Variants in SLC25A32 observed in about 807,000 individuals in gnomAD.
The protein encoded by SLC25A32 is solute carrier family 25 member 32.
Under a neutral mutation model 39.0 loss-of-function variants are expected in SLC25A32, and 32 were observed. That is an observed-to-expected ratio of 0.82 (90% CI 0.62 to 1.10). The LOEUF (loss-of-function observed/expected upper bound fraction) is 1.10. Ranked by LOEUF, SLC25A32 falls within the 50% of genes least tolerant of loss-of-function variation. SLC25A32 has a pLI of 0.00. For synonymous variants in SLC25A32, 166 were observed against 152.4 expected (o/e 1.09, Z -0.66); for missense variants, 367 against 395.3 (o/e 0.93, Z 0.61).
In SLC25A32 at chr8:103,415,042, C is replaced by A. The variant is rs746663173; in HGVS notation, c.-105G>T. On this transcript the variant is annotated 5_prime_UTR_variant, in exon 1 of 7. Coordinates refer to ENST00000297578, the MANE Select transcript of SLC25A32 (RefSeq NM_030780.5). ...GTCGCCCCTTGTGAGCGCAACCCCACCTCCGGGACCAACGAGAGGACTCTT... is the reference window on the plus strand; with the variant it reads ...GTCGCCCCTTGTGAGCGCAACCCCAACTCCGGGACCAACGAGAGGACTCTT... 1.1e-5 allele frequency: 18 copies of A among 1,595,188 alleles called. No individual in the cohort carries two copies. The South Asian group carries it at 1.9e-4, about 17-fold the overall frequency.
intron 1 of SLC25A32, among the ~76,000 whole-genome samples, chr8:103,410,736 C>T (rs1816446989): frequency 6.6e-6 from 1 of 152,002 alleles, no homozygotes; most frequent in South Asian, 2.1e-4. Flanking sequence ...CCTATCACAG[C>T]ACTAAAAAAA....
intron 1 of SLC25A32, among the ~76,000 whole-genome samples, chr8:103,412,139 T>C (rs929475566): frequency 6.6e-6 from 1 of 152,252 alleles, no homozygotes; most frequent in African/African-American, 2.4e-5. Flanking sequence ...CTTAGAATTA[T>C]GCCTGACATA....
chr8:103,403,208 G>A lies in SLC25A32; in HGVS notation c.508C>T (p.Leu170Phe). 1 of 1,611,160 alleles carries A rather than the reference G, an allele frequency of 6.2e-7. No homozygotes were observed. The highest frequency in any genetic ancestry group is 8.5e-7 in the Non-Finnish European group (1 of 1,177,868). Residue 170 changes from leucine (L) to phenylalanine (F), a missense_variant, in exon 4 of 7, where the codon CTT (leucine) becomes TTT (phenylalanine). Coordinates refer to ENST00000297578, the MANE Select transcript of SLC25A32 (RefSeq NM_030780.5). ...CCTTCATACTTATATATTTTCACAA[G>A]TGTATCAAACATTCCTTTATATTGT... ...HRQYKGMFDT[L>F]VKIYKYEGVR...
At position 103,414,859 on chromosome 8, in the gene SLC25A32, T is replaced by C; in HGVS notation, c.79A>G (p.Ile27Val). The C allele has an allele frequency of 6.2e-7, 1 of 1,613,506 alleles. No individual in the cohort carries two copies. Among genetic ancestry groups the C allele is most frequent in the Non-Finnish European group, 8.5e-7 (1 of 1,179,940 alleles). Reference sequence around the variant, plus strand: ...AAGACGCCGCCGCTCACGCCCGCTATCAGGTTCTCATACCGGACGTGGCGG... The same window carrying C: ...AAGACGCCGCCGCTCACGCCCGCTACCAGGTTCTCATACCGGACGTGGCGG... ...VFRHVRYENL[I>V]AGVSGGVLSN... The change falls in exon 1 of 7, where the codon ATA (isoleucine) becomes GTA (valine). Residue 27 changes from isoleucine (I) to valine (V), a missense_variant. Physicochemically the swap from Ile to Val is conservative, Grantham distance 29. Transcript: ENST00000297578.
At chr8:103,401,428 C>G (rs1816215485) in intron 6 of SLC25A32, 88 bp downstream of exon 6, 1 of 1,256,752 alleles carries the variant, frequency 8.0e-7, no homozygotes, top group East Asian at 2.5e-5. Flanking sequence ...GCAAACTGGC[C>G]TTTGCTATAA....
rs1816256286 is a variant in SLC25A32, at chr8:103,403,196, A to G, written c.520T>C (p.Tyr174His). The change falls in exon 4 of 7, where the codon TAT becomes CAT. Residue 174 changes from tyrosine (Y) to histidine (H), a missense_variant. Physicochemically the swap from Tyr to His is moderately conservative, Grantham distance 83. Transcript: ENST00000297578. ...KGMFDTLVKIYKYEGVRGLYK... is the reference protein window; with the variant it reads ...KGMFDTLVKIHKYEGVRGLYK... ...AATCCACGCACACCTTCATACTTAT[A>G]TATTTTCACAAGTGTATCAAACATT... The G allele has an allele frequency of 1.9e-6, 3 of 1,610,944 alleles. No homozygotes were observed. Among genetic ancestry groups the G allele is most frequent in the South Asian group, 1.1e-5 (1 of 90,860 alleles).
rs117366417 is a variant in SLC25A32, at chr8:103,401,273, C to T, written c.812+243G>A. Among the ~76,000 whole-genome samples the T allele has an allele frequency of 0.052, 7,932 of 152,060 alleles. 270 individuals are homozygous for T. Among genetic ancestry groups the T allele is most frequent in the Non-Finnish European group, 0.078 (5,322 of 68,000 alleles). On this transcript the variant is annotated intron_variant, in intron 6 of 6. Coordinates refer to ENST00000297578, the MANE Select transcript of SLC25A32 (RefSeq NM_030780.5). Reference sequence around the variant, plus strand: ...AATTTTATTTTCCAAAACATTTTCACACATTTAATTTGATTCTTATAACAA... The same window carrying T: ...AATTTTATTTTCCAAAACATTTTCATACATTTAATTTGATTCTTATAACAA...
At chr8:103,409,525 A>G (rs892988511) in intron 1 of SLC25A32, among the ~76,000 whole-genome samples, 1 of 152,066 alleles carries the variant, frequency 6.6e-6, no homozygotes, top group Non-Finnish European at 1.5e-5. Context: ...CCTTAGAATT[A>G]GTTATTAGAA....
intron 1 of SLC25A32, among the ~76,000 whole-genome samples, 162 bp from the exon 2 acceptor site, chr8:103,407,946 CATATATATATAAATAT>C (rs1428106004): frequency 1.7e-4 from 24 of 144,350 alleles, no homozygotes; most frequent in Non-Finnish European, 2.9e-4. Context: ...ATATATATTA[CATATATATATAAATAT>C]ATATATATAT....
At chr8:103,403,123 C>A (rs758288499) in intron 4 of SLC25A32, 41 bp downstream of exon 4, 1 of 1,435,572 alleles carries the variant, frequency 7.0e-7, no homozygotes, top group Non-Finnish European at 9.4e-7. Flanking sequence ...AACGGAAATT[C>A]AAATTTTTCA....
At chr8:103,404,649 ATGTAAC>A in intron 3 of SLC25A32, 121 bp downstream of exon 3, 4 of 569,242 alleles carry the variant, frequency 7.0e-6, no homozygotes. Context: ...CAGAAATTCC[ATGTAAC>A]TGATTTAATA....
At chr8:103,413,339 A>G (rs1816506357) in intron 1 of SLC25A32, among the ~76,000 whole-genome samples, 1 of 152,232 alleles carries the variant, frequency 6.6e-6, no homozygotes, top group Non-Finnish European at 1.5e-5. Context: ...AAATTCTTCC[A>G]ATGTTCAAAC....
chr8:103,414,667 C>G (rs1816550231), intron 1 of SLC25A32, 117 bp downstream of exon 1: 2 of 1,404,258 alleles, frequency 1.4e-6, no homozygotes, highest in East Asian at 2.4e-5. Flanking sequence ...GGTTAGCCAA[C>G]GCGGACAGCA....
At chr8:103,410,242 A>C (rs938484864) in intron 1 of SLC25A32, among the ~76,000 whole-genome samples, 1 of 152,200 alleles carries the variant, frequency 6.6e-6, no homozygotes, top group African/African-American at 2.4e-5. Context: ...AAATACAGTA[A>C]ATTTTTTTGG....
At position 103,401,960 on chromosome 8, in the gene SLC25A32, C is replaced by T; in HGVS notation, c.647G>A (p.Arg216Lys). The change falls in exon 5 of 7, where the codon AGA becomes AAA. Residue 216 changes from arginine to lysine, a missense_variant. Arg to Lys is a conservative substitution (Grantham distance 26, BLOSUM62 2). Transcript: ENST00000297578. ...LKLKYNQHIN[R>K]LPEAQLSTVE... ...TCTTACCAACTGGGCTTCTGGTAAT[C>T]TATTGATATGCTGGTTGTACTTCAA... 6.2e-7 allele frequency: 1 copy of T among 1,611,604 alleles called. No homozygotes were observed. Among genetic ancestry groups the T allele is most frequent in the Non-Finnish European group, 8.5e-7 (1 of 1,178,750 alleles).
chr8:103,413,852 T>A (rs889564636), intron 1 of SLC25A32, among the ~76,000 whole-genome samples: 1 of 152,234 alleles, frequency 6.6e-6, no homozygotes, highest in Non-Finnish European at 1.5e-5. Flanking sequence ...TAATGTAGAA[T>A]TTTCTTAACG....
intron 2 of SLC25A32, among the ~76,000 whole-genome samples, chr8:103,407,429 A>T (rs541463428): frequency 5.8e-4 from 88 of 152,314 alleles, no homozygotes; most frequent in African/African-American, 1.8e-3. Flanking sequence ...TTAGCTATTA[A>T]TAGGCATCTG....
rs539101313 is a variant in SLC25A32, at chr8:103,402,274, T to C, written c.553-220A>G. ...TTTTAAAGGTTTGGATGTTCACATA[T>C]TAGTTTTTCTTTAAACAGTATACAT... On this transcript the variant is annotated intron_variant, in intron 4 of 6. Transcript: ENST00000297578. The C allele has an allele frequency of 1.2e-4, 49 of 393,472 alleles. No homozygotes were observed. In the East Asian group the frequency reaches 1.9e-3, roughly 15 times the overall value. 24.4% of individuals were successfully genotyped at this position (393,472 alleles called of 1,614,324 possible). A position where few individuals can be genotyped will look rare whatever the true frequency, so the allele number is the denominator to read the frequency against.
intron 1 of SLC25A32, 161 bp downstream of exon 1, chr8:103,414,623 C>G: frequency 9.8e-7 from 1 of 1,018,722 alleles, no homozygotes; most frequent in Non-Finnish European, 1.4e-6. Flanking sequence ...AGGCCGACCC[C>G]TCCACCAAGC....
Sources: allele counts gnomAD v4.1 joint callset (sites outside exome capture counted in the v4.1 genomes callset), GRCh38; gene constraint gnomAD v4.1.1; transcripts MANE v1.5; gene names NCBI Gene and HGNC (gene_info 2026-07-23, HGNC 2026-07-21).